Variants in TPD52 observed in about 807,000 individuals in gnomAD.
TPD52 encodes the protein prostate and colon associated protein.
A neutral mutation model predicts 31.3 loss-of-function variants in TPD52; 17 were observed. The ratio of observed to expected loss-of-function variants is 0.54; its 90% CI spans 0.37 to 0.82. The LOEUF is 0.82. Among genes scored for constraint, TPD52 ranks in the 40% least tolerant of loss-of-function variants. The pLI is 0.00. For synonymous variants in TPD52, 83 were observed against 89.6 expected (o/e 0.93, Z 0.42); for missense variants, 212 against 240.1 (o/e 0.88, Z 0.77).
At chr8:80,130,263 T>C (rs1168844651) in intron 1 of TPD52, among the ~76,000 whole-genome samples, 1 of 152,178 alleles carries the variant, frequency 6.6e-6, no homozygotes, top group Non-Finnish European at 1.5e-5. Context: ...TCAGGCTTGA[T>C]GAAACCACCA....
intron 1 of TPD52, among the ~76,000 whole-genome samples, chr8:80,078,460 C>T (rs1032182866): frequency 2.0e-5 from 3 of 152,186 alleles, no homozygotes; most frequent in Non-Finnish European, 2.9e-5. Context: ...TGCAAACACA[C>T]GGAGGACACA....
At chr8:80,155,081 T>A (rs1810865256) in intron 1 of TPD52, among the ~76,000 whole-genome samples, 1 of 149,698 alleles carries the variant, frequency 6.7e-6, no homozygotes, top group Admixed American at 6.7e-5. Flanking sequence ...CACTGACACC[T>A]CCGCTTCCAG....
intron 1 of TPD52, among the ~76,000 whole-genome samples, chr8:80,131,005 T>C (rs545725271): frequency 1.6e-4 from 24 of 152,306 alleles, no homozygotes; most frequent in African/African-American, 4.6e-4. Flanking sequence ...CATAGGGTAA[T>C]TTTTCACACA....
chr8:80,171,158 G>C, intron 1 of TPD52: 1 of 692,298 alleles, frequency 1.4e-6, no homozygotes, highest in Non-Finnish European at 2.6e-6. Flanking sequence ...TAGCCCCTTC[G>C]CCACCTCCCA....
chr8:80,114,954 C>A (rs755251494), intron 1 of TPD52, among the ~76,000 whole-genome samples: 3 of 152,210 alleles, frequency 2.0e-5, no homozygotes, highest in African/African-American at 7.2e-5. Flanking sequence ...TACCCCTCCA[C>A]TGACGCTAGC....
intron 1 of TPD52, among the ~76,000 whole-genome samples, chr8:80,084,776 CCAGA>C (rs577245796): frequency 3.9e-5 from 6 of 152,278 alleles, no homozygotes; most frequent in East Asian, 3.9e-4. Context: ...TAAACTTAGC[CCAGA>C]CAATTTTCTC....
chr8:80,055,020 A>G (rs1413243776), intron 2 of TPD52, among the ~76,000 whole-genome samples: 1 of 152,214 alleles, frequency 6.6e-6, no homozygotes, highest in Non-Finnish European at 1.5e-5. Flanking sequence ...CAGAATTCCT[A>G]TCTAGGTTTT....
At position 80,042,634 on chromosome 8, in the gene TPD52, C is replaced by T; in HGVS notation, c.490G>A (p.Val164Ile). Residue 164 changes from valine (V) to isoleucine (I), a missense_variant, in exon 7 of 8, where the codon GTC becomes ATC. By Grantham distance (29) the Val-to-Ile change is conservative (BLOSUM62 3). Transcript: ENST00000518937. ...TCTCTACTTGCCTTTAAGTTTTCGA[C>T]CTTTTCTTCAAATGATTTAAAAGTT... ...SPTFKSFEEK[V>I]ENLKSKVGGT... 3.1e-6 allele frequency: 5 copies of T among 1,610,580 alleles called. No individual in the cohort carries two copies. Among genetic ancestry groups the T allele is most frequent in the Non-Finnish European group, 4.2e-6 (5 of 1,178,096 alleles).
chr8:80,079,352 G>A (rs548049187), intron 1 of TPD52, among the ~76,000 whole-genome samples: 29 of 152,068 alleles, frequency 1.9e-4, no homozygotes, highest in Non-Finnish European at 4.0e-4. Flanking sequence ...ACATTTTCCT[G>A]TTCCTGGAAA....
chr8:80,051,790 A>C, intron 3 of TPD52, 162 bp from the exon 4 acceptor site: 1 of 588,130 alleles, frequency 1.7e-6, no homozygotes. Context: ...GAGCGGCATC[A>C]CCACATCTTC....
chr8:80,136,266 T>C (rs915279257), intron 1 of TPD52, among the ~76,000 whole-genome samples: 7 of 150,044 alleles, frequency 4.7e-5, no homozygotes, highest in East Asian at 2.0e-4. Flanking sequence ...GGCTCACGCC[T>C]GTAATCCCAG....
intron 1 of TPD52, among the ~76,000 whole-genome samples, chr8:80,148,163 T>C: frequency 6.6e-6 from 1 of 152,098 alleles, no homozygotes; most frequent in East Asian, 1.9e-4. Flanking sequence ...TCTAAATTTT[T>C]TTTTTTTGAG....
At chr8:80,098,828 T>C (rs891895703) in intron 1 of TPD52, among the ~76,000 whole-genome samples, 3 of 152,142 alleles carry the variant, frequency 2.0e-5, no homozygotes, top group African/African-American at 7.2e-5. Flanking sequence ...AGAAATTTTT[T>C]TGTGAAAGGA....
intron 7 of TPD52, among the ~76,000 whole-genome samples, chr8:80,041,103 A>G (rs1482114528): frequency 6.6e-6 from 1 of 152,204 alleles, no homozygotes; most frequent in Non-Finnish European, 1.5e-5. Context: ...TGTTCAAGAA[A>G]AAAAACGATC....
chr8:80,130,651 T>C (rs1010561997), intron 1 of TPD52, among the ~76,000 whole-genome samples: 1 of 152,274 alleles, frequency 6.6e-6, no homozygotes, highest in East Asian at 1.9e-4. Flanking sequence ...ATTTCATAAG[T>C]GTATAGCTTA....
chr8:80,093,801 C>T (rs2130895204), intron 1 of TPD52, among the ~76,000 whole-genome samples: 1 of 152,304 alleles, frequency 6.6e-6, no homozygotes, highest in South Asian at 2.1e-4. Context: ...CCATCTGAAC[C>T]TGCTACTCTG....
At chr8:80,086,258 A>G (rs1815756781) in intron 1 of TPD52, among the ~76,000 whole-genome samples, 1 of 151,286 alleles carries the variant, frequency 6.6e-6, no homozygotes, top group Non-Finnish European at 1.5e-5. Flanking sequence ...AGCTGGGACT[A>G]CAAGCGCACA....
intron 6 of TPD52, 61 bp from the exon 7 acceptor site, chr8:80,042,729 T>C (rs960489322): frequency 7.5e-6 from 11 of 1,471,646 alleles, no homozygotes; most frequent in Non-Finnish European, 9.4e-6. Flanking sequence ...TCCAACTAGT[T>C]TGAAAATATA....
intron 1 of TPD52, among the ~76,000 whole-genome samples, chr8:80,103,576 AC>A (rs1467844949): frequency 1.9e-4 from 29 of 152,318 alleles, no homozygotes; most frequent in African/African-American, 6.7e-4. Flanking sequence ...CATGATAATG[AC>A]CTCTGGGAGC....
Sources: gnomAD v4.1 joint callset for allele counts (sites outside exome capture counted in the v4.1 genomes callset) on GRCh38, gnomAD v4.1.1 for gene constraint, MANE v1.5 for transcripts, NCBI Gene and HGNC (gene_info 2026-07-23, HGNC 2026-07-21) for gene names.